The following UBE3D variants were observed in gnomAD, a reference collection of about 807,000 sequenced individuals.
The protein encoded by UBE3D is ubiquitin protein ligase E3D.
A neutral mutation model predicts 49.6 loss-of-function variants in UBE3D; 48 were observed. The ratio of observed to expected loss-of-function variants is 0.97; its 90% CI spans 0.77 to 1.23. The LOEUF (loss-of-function observed/expected upper bound fraction) is 1.23, where lower values mean the gene tolerates loss of function less well. Among genes scored for constraint, UBE3D ranks in the 50% most tolerant of loss-of-function variants. The pLI is 0.00. For missense variants in UBE3D, 452 were observed against 468.4 expected, an observed-to-expected ratio of 0.96 and a Z score of 0.32; for synonymous variants, 189 against 174.2, an observed-to-expected ratio of 1.08 and a Z score of -0.67.
intron 5 of UBE3D, among the ~76,000 whole-genome samples, chr6:83,024,568 C>T (rs1473184115): frequency 6.6e-6 from 1 of 152,082 alleles, no homozygotes; most frequent in East Asian, 1.9e-4. Context: ...CTCTGGAATT[C>T]GGGAATAATC....
rs140648729 is a variant in UBE3D, at chr6:82,917,586, T to C, written c.1150-24544A>G. Among the ~76,000 whole-genome samples, 301 of 152,228 alleles carry C rather than the reference T, an allele frequency of 2.0e-3. 4 individuals are homozygous for C. Among genetic ancestry groups the C allele is most frequent in the African/African-American group, 5.2e-3 (215 of 41,546 alleles). ...CCACTATGAGACCTCCCTGGGGTGA[T>C]TGTAATGAGCACGATTAGGAAGGAT... On this transcript the variant is annotated intron_variant, in intron 9 of 9. Coordinates refer to ENST00000369747, the MANE Select transcript of UBE3D (RefSeq NM_198920.3).
chr6:83,047,956 C>A (rs957458893), intron 3 of UBE3D, among the ~76,000 whole-genome samples: 1 of 151,706 alleles, frequency 6.6e-6, no homozygotes, highest in Non-Finnish European at 1.5e-5. Flanking sequence ...CTGGCGGGCA[C>A]CTGTAGTCCC....
At chr6:82,929,903 C>A (rs1562093529) in intron 9 of UBE3D, among the ~76,000 whole-genome samples, 1 of 152,072 alleles carries the variant, frequency 6.6e-6, no homozygotes, top group East Asian at 1.9e-4. Flanking sequence ...TCCTTATCAC[C>A]CAAAGTCCAC....
At chr6:83,040,061 G>A (rs1782549446) in intron 4 of UBE3D, among the ~76,000 whole-genome samples, 1 of 152,112 alleles carries the variant, frequency 6.6e-6, no homozygotes, top group Admixed American at 6.5e-5. Context: ...GTGCATGAGT[G>A]TATGTGTGTT....
At chr6:82,943,874 G>T (rs1775203781) in intron 9 of UBE3D, among the ~76,000 whole-genome samples, 1 of 152,112 alleles carries the variant, frequency 6.6e-6, no homozygotes, top group South Asian at 2.1e-4. Context: ...TGGTTACAGT[G>T]GAAAGCAAAA....
chr6:83,008,427 A>G (rs1321592974), intron 8 of UBE3D, among the ~76,000 whole-genome samples: 1 of 152,236 alleles, frequency 6.6e-6, no homozygotes, highest in African/African-American at 2.4e-5. Context: ...TATTTCCCCA[A>G]TACAAAATTG....
At chr6:82,925,475 T>C (rs1698281424) in intron 9 of UBE3D, among the ~76,000 whole-genome samples, 1 of 152,112 alleles carries the variant, frequency 6.6e-6, no homozygotes. Flanking sequence ...GATTAGACAC[T>C]CGGCTCAGGA....
chr6:82,897,445 G>A (rs927125567), intron 9 of UBE3D, among the ~76,000 whole-genome samples: 5 of 152,026 alleles, frequency 3.3e-5, no homozygotes, highest in Non-Finnish European at 5.9e-5. Context: ...ACAAAAATTA[G>A]CTGGGTACAG....
chr6:83,021,826 G>A (rs1420655844), intron 7 of UBE3D, among the ~76,000 whole-genome samples: 1 of 151,450 alleles, frequency 6.6e-6, no homozygotes, highest in Non-Finnish European at 1.5e-5. Context: ...CTGAGATCAC[G>A]CCACTGCACT....
At chr6:82,919,217 A>T (rs775742910) in intron 9 of UBE3D, among the ~76,000 whole-genome samples, 1 of 152,008 alleles carries the variant, frequency 6.6e-6, no homozygotes, top group Non-Finnish European at 1.5e-5. Context: ...GAGAAAGTAG[A>T]CTTCTTGGGA....
intron 8 of UBE3D, among the ~76,000 whole-genome samples, chr6:82,981,191 A>T (rs1261601889): frequency 6.6e-6 from 1 of 152,118 alleles, no homozygotes. Flanking sequence ...GAAGAGCCAG[A>T]ACTTCAAGTG....
chr6:83,005,610 C>T (rs899165101), intron 8 of UBE3D, among the ~76,000 whole-genome samples: 6 of 148,468 alleles, frequency 4.0e-5, no homozygotes, highest in African/African-American at 7.4e-5. Flanking sequence ...TAGTAAGGTG[C>T]GGTCTCTATT....
chr6:83,039,101 A>G (rs1782466858), intron 4 of UBE3D, among the ~76,000 whole-genome samples: 1 of 152,270 alleles, frequency 6.6e-6, no homozygotes, highest in Non-Finnish European at 1.5e-5. Context: ...TATTTGAGAT[A>G]CAGATTAAAA....
At chr6:83,047,509 C>A (rs1783144585) in intron 3 of UBE3D, among the ~76,000 whole-genome samples, 1 of 152,176 alleles carries the variant, frequency 6.6e-6, no homozygotes, top group Non-Finnish European at 1.5e-5. Context: ...GGAACTACGT[C>A]GTGTGGGGAG....
intron 9 of UBE3D, among the ~76,000 whole-genome samples, chr6:82,895,492 A>G (rs1331615173): frequency 1.3e-5 from 2 of 152,128 alleles, no homozygotes; most frequent in Non-Finnish European, 1.5e-5. Flanking sequence ...ACGTTCTCCT[A>G]CAATGTAGAG....
chr6:83,012,386 G>A (rs1054504281), intron 8 of UBE3D, among the ~76,000 whole-genome samples: 1 of 152,178 alleles, frequency 6.6e-6, no homozygotes, highest in Non-Finnish European at 1.5e-5. Flanking sequence ...CTCTGCTGCT[G>A]GCAAATTGCG....
chr6:82,934,281 T>C (rs1394753217), intron 9 of UBE3D, among the ~76,000 whole-genome samples: 3 of 152,238 alleles, frequency 2.0e-5, no homozygotes, highest in Non-Finnish European at 4.4e-5. Flanking sequence ...CTCTTTTCTT[T>C]ATAAATTATC....
intron 4 of UBE3D, among the ~76,000 whole-genome samples, chr6:83,042,385 A>G (rs1292662142): frequency 6.7e-6 from 1 of 149,036 alleles, no homozygotes; most frequent in African/African-American, 2.6e-5. Flanking sequence ...AAGAAAAGAA[A>G]GTGTTGGGCT....
intron 9 of UBE3D, among the ~76,000 whole-genome samples, chr6:82,915,073 A>C (rs1357778116): frequency 6.6e-6 from 1 of 152,102 alleles, no homozygotes; most frequent in Non-Finnish European, 1.5e-5. Flanking sequence ...GACAATAAAG[A>C]GTTGAGGGCA....
Sources: allele counts gnomAD v4.1 joint callset (sites outside exome capture counted in the v4.1 genomes callset), GRCh38; gene constraint gnomAD v4.1.1; transcripts MANE v1.5; gene names NCBI Gene and HGNC (gene_info 2026-07-23, HGNC 2026-07-21).